The following DPYS variants were observed in gnomAD, a reference collection of about 807,000 sequenced individuals.
The protein encoded by DPYS is dihydropyrimidine amidohydrolase.
A neutral mutation model predicts 50.3 loss-of-function variants in DPYS; 39 were observed. The ratio of observed to expected loss-of-function variants is 0.78; its 90% confidence interval spans 0.60 to 1.01. The LOEUF is 1.01. Among genes scored for constraint, DPYS ranks in the 50% least tolerant of loss-of-function variants. The pLI is 0.00. For missense variants in DPYS, 659 were observed against 680.9 expected, an observed-to-expected ratio of 0.97 and a Z score of 0.36; for synonymous variants, 245 against 250.7, an observed-to-expected ratio of 0.98 and a Z score of 0.22.
Position 104,428,140 on chromosome 8 carries a change from G to A in DPYS, c.951-19C>T, listed in dbSNP as rs755554543. 9.9e-6 allele frequency: 16 copies of A among 1,614,110 alleles called. No individual in the cohort carries two copies. Among genetic ancestry groups the A allele is most frequent in the East Asian group, 4.5e-5 (2 of 44,882 alleles). On this transcript the variant is annotated intron_variant, in intron 5 of 9. Coordinates refer to ENST00000351513, the MANE Select transcript of DPYS (RefSeq NM_001385.3). ...ATCATCACTGTAAAAGAAAAAACAC[G>A]AGAGTGATGGGGTGAGTATACAGAA...
chr8:104,429,479 A>C, intron 5 of DPYS, 66 bp downstream of exon 5: 1 of 1,601,258 alleles, frequency 6.2e-7, no homozygotes, highest in Non-Finnish European at 8.5e-7. Flanking sequence ...AGATGGGAGG[A>C]CGAGCTCCCT....
chr8:104,466,463 G>A (rs530272695), intron 1 of DPYS, among the ~76,000 whole-genome samples, 194 bp downstream of exon 1: 8 of 152,252 alleles, frequency 5.3e-5, no homozygotes, highest in Admixed American at 2.0e-4. Flanking sequence ...GCCGAGAAGG[G>A]GCGCCTGAAA....
chr8:104,408,789 T>C (rs1812079309), intron 7 of DPYS, among the ~76,000 whole-genome samples: 1 of 151,836 alleles, frequency 6.6e-6, no homozygotes, highest in Non-Finnish European at 1.5e-5. Flanking sequence ...TAAAATACAT[T>C]TGGATCCTCC....
chr8:104,452,705 G>A (rs1277923486), intron 1 of DPYS, among the ~76,000 whole-genome samples: 4 of 152,152 alleles, frequency 2.6e-5, no homozygotes, highest in African/African-American at 9.7e-5. Context: ...GCCAGGCATG[G>A]TGGCATGCGC....
At chr8:104,405,827 G>C (rs2140558004) in intron 7 of DPYS, among the ~76,000 whole-genome samples, 1 of 152,348 alleles carries the variant, frequency 6.6e-6, no homozygotes, top group East Asian at 1.9e-4. Flanking sequence ...ATCCATGCTG[G>C]AGGGGGTGGA....
At chr8:104,416,680 C>T (rs1039815376) in intron 7 of DPYS, among the ~76,000 whole-genome samples, 5 of 151,804 alleles carry the variant, frequency 3.3e-5, no homozygotes, top group Non-Finnish European at 5.9e-5. Context: ...TGTGTGTGCA[C>T]GCTTTCTTTG....
chr8:104,427,278 G>A (rs1403825216), intron 6 of DPYS, among the ~76,000 whole-genome samples: 3 of 149,318 alleles, frequency 2.0e-5, no homozygotes, highest in Admixed American at 6.7e-5. Context: ...AATACGCTTC[G>A]TGTATTTTTT....
At chr8:104,417,798 G>A (rs1812416070) in intron 7 of DPYS, among the ~76,000 whole-genome samples, 1 of 152,188 alleles carries the variant, frequency 6.6e-6, no homozygotes, top group Admixed American at 6.5e-5. Flanking sequence ...ACAGGCTAGT[G>A]ACGTCTTAGG....
intron 1 of DPYS, among the ~76,000 whole-genome samples, chr8:104,459,285 CAT>C (rs1363314748): frequency 2.0e-5 from 3 of 152,204 alleles, no homozygotes; most frequent in Non-Finnish European, 2.9e-5. Flanking sequence ...ACTGACCTCA[CAT>C]GTTTACTAAA....
intron 7 of DPYS, among the ~76,000 whole-genome samples, chr8:104,411,245 A>T (rs987705607): frequency 1.3e-5 from 2 of 152,212 alleles, no homozygotes; most frequent in Non-Finnish European, 2.9e-5. Context: ...ATGAACATGC[A>T]ATCAATATAT....
At chr8:104,427,526 G>T (rs549183001) in intron 6 of DPYS, among the ~76,000 whole-genome samples, 1 of 151,876 alleles carries the variant, frequency 6.6e-6, no homozygotes, top group Non-Finnish European at 1.5e-5. Flanking sequence ...TGATCCACCT[G>T]CCTTGGCCTC....
At chr8:104,465,535 A>G (rs1051236732) in intron 1 of DPYS, among the ~76,000 whole-genome samples, 11 of 151,734 alleles carry the variant, frequency 7.2e-5, no homozygotes, top group Non-Finnish European at 1.6e-4. Context: ...TAGAATTTTT[A>G]CTCTATGTTC....
intron 3 of DPYS, 123 bp from the exon 4 acceptor site, chr8:104,444,560 GTGTC>G (rs1409495280): frequency 1.2e-5 from 11 of 927,682 alleles, no homozygotes; most frequent in Admixed American, 1.0e-4. Flanking sequence ...GGGTGTGTGT[GTGTC>G]TGTGTGTGTG....
At position 104,455,047 on chromosome 8, in the gene DPYS, G is replaced by A. The variant is rs1416945175; in HGVS notation, c.265-3643C>T. 1.3e-5 allele frequency among the ~76,000 whole-genome samples: 2 copies of A among 152,094 alleles called. 1 individual carries two copies. The highest frequency in any genetic ancestry group is 2.9e-5 in the Non-Finnish European group (2 of 68,028). On this transcript the variant is annotated intron_variant, in intron 1 of 9. Transcript: ENST00000351513. Reference sequence around the variant, plus strand: ...ACTGAATACAGAAAACCCAGATGACGGGCTGATGGGTGCAGCAAACCACCA... The same window carrying A: ...ACTGAATACAGAAAACCCAGATGACAGGCTGATGGGTGCAGCAAACCACCA...
chr8:104,459,993 C>A (rs1588464040), intron 1 of DPYS, among the ~76,000 whole-genome samples: 1 of 152,258 alleles, frequency 6.6e-6, no homozygotes, highest in South Asian at 2.1e-4. Flanking sequence ...CCAAATCTAG[C>A]CCCCTCGTTG....
At chr8:104,380,995 C>G (rs1811011734) in intron 9 of DPYS, 189 bp downstream of exon 9, 1 of 565,886 alleles carries the variant, frequency 1.8e-6, no homozygotes, top group Non-Finnish European at 3.2e-6. Flanking sequence ...CTAGCAAGCC[C>G]AAGGCCTTCT....
At chr8:104,442,585 C>T (rs1813394069) in intron 4 of DPYS, among the ~76,000 whole-genome samples, 3 of 152,106 alleles carry the variant, frequency 2.0e-5, no homozygotes, top group South Asian at 2.1e-4. Context: ...CTTTTACATG[C>T]GAGAGTAGCA....
Position 104,466,946 on chromosome 8 carries a change from C to T in DPYS, c.-26G>A, listed in dbSNP as rs1322556365. ...AGCGAGGGGCGCGCGGGGTCCTACT[C>T]GGCCCGGGCTGCGCGCAGGGGCTGG... On this transcript the variant is annotated 5_prime_UTR_variant, in exon 1 of 10. Coordinates refer to ENST00000351513, the MANE Select transcript of DPYS (RefSeq NM_001385.3). The T allele has an allele frequency of 1.9e-5, 26 of 1,375,126 alleles. No homozygotes were observed. The highest frequency in any genetic ancestry group is 2.7e-4 in the Middle Eastern group (1 of 3,676). The allele number at this position is 1,375,126 out of a possible 1,614,324, so 85.2% of individuals were successfully genotyped here. A position where few individuals can be genotyped will look rare whatever the true frequency, so the allele number is the denominator to read the frequency against.
chr8:104,440,790 A>T (rs1037380303), intron 4 of DPYS, among the ~76,000 whole-genome samples: 7 of 152,226 alleles, frequency 4.6e-5, no homozygotes, highest in Admixed American at 2.6e-4. Context: ...AAACAAAAAA[A>T]AGAATGGGCT....
Sources: allele counts gnomAD v4.1 joint callset (sites outside exome capture counted in the v4.1 genomes callset), GRCh38; gene constraint gnomAD v4.1.1; transcripts MANE v1.5; gene names NCBI Gene and HGNC (gene_info 2026-07-23, HGNC 2026-07-21).